UCK2: variants seen among roughly 807,000 people sequenced by gnomAD.
The protein encoded by UCK2 is cytidine monophosphokinase 2.
Under a neutral mutation model 30.8 loss-of-function variants are expected in UCK2, and 6 were observed. The ratio of observed to expected loss-of-function variants is 0.19; its 90% CI spans 0.11 to 0.38. The LOEUF is 0.38. Among genes scored for constraint, UCK2 ranks in the 10% least tolerant of loss-of-function variants. The pLI, the probability that UCK2 is intolerant of heterozygous loss-of-function variation, is 1.00. For missense variants in UCK2, 210 were observed against 339.8 expected, an observed-to-expected ratio of 0.62 and a Z score of 3.00; for synonymous variants, 125 against 133.6, an observed-to-expected ratio of 0.94 and a Z score of 0.45.
At chr1:165,842,059 G>A (rs947508569) in intron 1 of UCK2, among the ~76,000 whole-genome samples, 5 of 152,154 alleles carry the variant, frequency 3.3e-5, no homozygotes, top group East Asian at 1.9e-4. Flanking sequence ...TCTAAATCCC[G>A]TTGGAGCTGT....
rs866873067 is a variant in UCK2 at position 165,827,623 on chromosome 1, A to G, written c.-211A>G. ...GACCTCTGCCTGGGATGTAAACCGG[A>G]CCAGCCGCTGCGGGCAAAGGAAGGC... On this transcript the variant is annotated 5_prime_UTR_variant, in exon 1 of 7. Transcript: ENST00000367879. 76 of 382,828 alleles carry G rather than the reference A, an allele frequency of 2.0e-4. No individual in the cohort carries two copies. Among genetic ancestry groups the G allele is most frequent in the Non-Finnish European group, 2.8e-4 (62 of 218,000 alleles). 23.7% of individuals were successfully genotyped at this position (382,828 alleles called of 1,614,324 possible). A position where few individuals can be genotyped will look rare whatever the true frequency, so the allele number is the denominator to read the frequency against.
chr1:165,842,489 A>G (rs1430602278), intron 1 of UCK2, among the ~76,000 whole-genome samples: 1 of 152,178 alleles, frequency 6.6e-6, no homozygotes, highest in African/African-American at 2.4e-5. Flanking sequence ...CAGATGTACA[A>G]GACAGAAACC....
chr1:165,849,996 G>A (rs1475315695), intron 1 of UCK2, among the ~76,000 whole-genome samples: 3 of 152,166 alleles, frequency 2.0e-5, no homozygotes, highest in Non-Finnish European at 2.9e-5. Context: ...AGTTTGGACT[G>A]GAGTGACCCA....
intron 1 of UCK2, among the ~76,000 whole-genome samples, chr1:165,881,549 C>T (rs1655501859): frequency 6.6e-6 from 1 of 152,158 alleles, no homozygotes; most frequent in African/African-American, 2.4e-5. Flanking sequence ...TGACTTTGGT[C>T]CGAGTCACTT....
chr1:165,848,895 A>C (rs886764979), intron 1 of UCK2, among the ~76,000 whole-genome samples: 1 of 152,210 alleles, frequency 6.6e-6, no homozygotes, highest in Non-Finnish European at 1.5e-5. Flanking sequence ...CAGATGGGAC[A>C]ACCTAGTTGG....
intron 1 of UCK2, among the ~76,000 whole-genome samples, chr1:165,878,712 C>T (rs111364478): frequency 0.014 from 2,199 of 152,314 alleles, 47 homozygotes; most frequent in Admixed American, 0.054. Context: ...TATTCATTCA[C>T]CTACTTTAGT....
chr1:165,828,907 G>C (rs769396888), intron 1 of UCK2, among the ~76,000 whole-genome samples: 3 of 152,130 alleles, frequency 2.0e-5, no homozygotes, highest in Non-Finnish European at 4.4e-5. Context: ...TGGAGCACGG[G>C]TTCCTCAAGG....
intron 1 of UCK2, among the ~76,000 whole-genome samples, chr1:165,887,344 G>A (rs541189364): frequency 6.6e-6 from 1 of 152,200 alleles, no homozygotes; most frequent in East Asian, 1.9e-4. Context: ...TTCTAGAATT[G>A]CACCTACTGT....
At chr1:165,880,162 C>A (rs987458385) in intron 1 of UCK2, among the ~76,000 whole-genome samples, 1 of 152,234 alleles carries the variant, frequency 6.6e-6, no homozygotes, top group African/African-American at 2.4e-5. Flanking sequence ...ATCCAACTGG[C>A]ACATTGTGCT....
chr1:165,865,948 G>A (rs1023188463), intron 1 of UCK2, among the ~76,000 whole-genome samples: 2 of 152,336 alleles, frequency 1.3e-5, no homozygotes, highest in Middle Eastern at 3.4e-3. Context: ...GATCTGATCC[G>A]CTTTCCCAAA....
intron 1 of UCK2, among the ~76,000 whole-genome samples, chr1:165,888,784 G>T (rs1475128516): frequency 6.6e-6 from 1 of 151,680 alleles, no homozygotes; most frequent in African/African-American, 2.4e-5. Context: ...TGCCCGGCAG[G>T]TCAATCAGTT....
Position 165,890,278 on chromosome 1 carries a change from C to T in UCK2, c.174C>T (p.Ile58=), listed in dbSNP as rs762977070. Residue 58 remains isoleucine, a synonymous_variant, in exon 2 of 7, where the codon ATC becomes ATT. Coordinates refer to ENST00000367879, the MANE Select transcript of UCK2 (RefSeq NM_012474.5). ...ACTATCGCCAGAAGCAGGTGGTCATCCTGAGCCAGGATAGCTTCTACCGTG... is the reference window on the plus strand; with the variant it reads ...ACTATCGCCAGAAGCAGGTGGTCATTCTGAGCCAGGATAGCTTCTACCGTG... ...EVDYRQKQVV[I]LSQDSFYRVL... is the part of the protein sequence containing the mutation. The T allele has an allele frequency of 2.4e-5, 38 of 1,614,048 alleles. No homozygotes were observed. The highest frequency in any genetic ancestry group is 3.0e-5 in the Non-Finnish European group (35 of 1,180,046).
At chr1:165,893,342 A>G (rs1655816355) in intron 3 of UCK2, among the ~76,000 whole-genome samples, 1 of 152,218 alleles carries the variant, frequency 6.6e-6, no homozygotes, top group Admixed American at 6.5e-5. Context: ...CTTATATTTT[A>G]AAACCTTATC....
chr1:165,871,024 A>G (rs991324012), intron 1 of UCK2, among the ~76,000 whole-genome samples: 6 of 152,158 alleles, frequency 3.9e-5, no homozygotes, highest in African/African-American at 7.2e-5. Flanking sequence ...CATGTTGGCC[A>G]GGCTGGTCTT....
chr1:165,898,974 C>T (rs572125874), intron 4 of UCK2, among the ~76,000 whole-genome samples: 10 of 152,214 alleles, frequency 6.6e-5, no homozygotes, highest in Non-Finnish European at 1.2e-4. Context: ...AATTCATTCT[C>T]TCTCCACGTA....
chr1:165,855,002 C>T (rs183163988), intron 1 of UCK2, among the ~76,000 whole-genome samples: 7 of 152,158 alleles, frequency 4.6e-5, no homozygotes, highest in African/African-American at 1.7e-4. Flanking sequence ...ACACATGACA[C>T]TGAAAAGAGA....
rs1025626379 is a variant in UCK2 at position 165,911,503 on chromosome 1, C to T, written c.*3680C>T. On this transcript the variant is annotated 3_prime_UTR_variant, in exon 7 of 7. Transcript: ENST00000367879. ...ACAGACTTAGGCTTTTTTTTCCCCC[C>T]TTTTAAGATGCTTGCTCCTCTCCCT... 2 of 152,156 alleles carry T rather than the reference C, an allele frequency of 1.3e-5. No homozygotes were observed. The highest frequency in any genetic ancestry group is 2.4e-5 in the African/African-American group (1 of 41,416). 9.4% of individuals were successfully genotyped at this position (152,156 alleles called of 1,614,324 possible). A position where few individuals can be genotyped will look rare whatever the true frequency, so the allele number is the denominator to read the frequency against.
At chr1:165,884,609 C>T (rs1416598429) in intron 1 of UCK2, among the ~76,000 whole-genome samples, 1 of 152,152 alleles carries the variant, frequency 6.6e-6, no homozygotes, top group African/African-American at 2.4e-5. Context: ...GATTACCCTG[C>T]TTGTTTTCTT....
At chr1:165,850,064 C>A (rs1423817167) in intron 1 of UCK2, among the ~76,000 whole-genome samples, 2 of 152,146 alleles carry the variant, frequency 1.3e-5, no homozygotes, top group African/African-American at 4.8e-5. Context: ...AGAGAAGACA[C>A]CTTCCTTAGA....
Sources: gnomAD v4.1 joint callset for allele counts (sites outside exome capture counted in the v4.1 genomes callset) on GRCh38, gnomAD v4.1.1 for gene constraint, MANE v1.5 for transcripts, NCBI Gene and HGNC (gene_info 2026-07-23, HGNC 2026-07-21) for gene names.